The following SAMD12 variants were observed in gnomAD, a reference collection of about 807,000 sequenced individuals.
SAMD12 encodes the protein sterile alpha motif domain-containing protein 12.
In SAMD12, 9 loss-of-function variants were observed where a neutral mutation model predicts 15.0. The ratio of observed to expected loss-of-function variants is 0.60; its 90% CI spans 0.36 to 1.05. The LOEUF (loss-of-function observed/expected upper bound fraction) is 1.05, where lower values mean the gene tolerates loss of function less well. Among genes scored for constraint, SAMD12 ranks in the 50% least tolerant of loss-of-function variants. The pLI is 0.01. For synonymous variants in SAMD12, 86 were observed against 90.1 expected, an observed-to-expected ratio of 0.96 and a Z score of 0.25; for missense variants, 230 against 234.2, an observed-to-expected ratio of 0.98 and a Z score of 0.12.
chr8:118,403,989 T>G (rs77908481), intron 3 of SAMD12, among the ~76,000 whole-genome samples: 40 of 152,288 alleles, frequency 2.6e-4, no homozygotes, highest in African/African-American at 8.7e-4. Context: ...GGTACCTTTA[T>G]TTTTTCTTGA....
intron 4 of SAMD12, among the ~76,000 whole-genome samples, chr8:118,225,985 C>T (rs779931228): frequency 3.9e-5 from 6 of 152,126 alleles, no homozygotes; most frequent in Non-Finnish European, 8.8e-5. Context: ...ACAGAGCTGA[C>T]TCAGCTAGAC....
At chr8:118,587,655 G>A (rs1827485976) in intron 1 of SAMD12, among the ~76,000 whole-genome samples, 1 of 152,174 alleles carries the variant, frequency 6.6e-6, no homozygotes, top group Non-Finnish European at 1.5e-5. Context: ...ATCTAGAACT[G>A]CTACAGTACA....
At chr8:118,286,280 A>G (rs1814009095) in intron 4 of SAMD12, among the ~76,000 whole-genome samples, 1 of 151,998 alleles carries the variant, frequency 6.6e-6, no homozygotes, top group South Asian at 2.1e-4. Context: ...ACAAACCTGC[A>G]TGTTGTGCAC....
chr8:118,410,875 T>C (rs1476327361), intron 3 of SAMD12, among the ~76,000 whole-genome samples: 2 of 152,156 alleles, frequency 1.3e-5, no homozygotes, highest in African/African-American at 4.8e-5. Flanking sequence ...TTTGACAGAA[T>C]TTGTTATCAG....
intron 4 of SAMD12, among the ~76,000 whole-genome samples, chr8:118,246,458 T>A (rs1456427827): frequency 6.6e-6 from 1 of 152,156 alleles, no homozygotes; most frequent in Admixed American, 6.5e-5. Flanking sequence ...AAGGCATTAA[T>A]CTAAGTTAGC....
intron 1 of SAMD12, among the ~76,000 whole-genome samples, chr8:118,607,005 G>A (rs1477072999): frequency 1.3e-5 from 2 of 152,014 alleles, no homozygotes; most frequent in African/African-American, 4.8e-5. Context: ...CTACTCCATA[G>A]GCAAGCACCT....
At chr8:118,415,476 T>TGTGTGA (rs1327570691) in intron 3 of SAMD12, among the ~76,000 whole-genome samples, 1 of 151,710 alleles carries the variant, frequency 6.6e-6, no homozygotes, top group African/African-American at 2.4e-5. Context: ...TGTGTGTGTG[T>TGTGTGA]GTGTGTGTGT....
In SAMD12 at chr8:118,321,470, G is replaced by A. The variant is rs1057084486; in HGVS notation, c.433+58090C>T. Among the ~76,000 whole-genome samples the A allele has an allele frequency of 5.3e-5, 8 of 151,392 alleles. No individual in the cohort carries two copies. The East Asian group carries it at 5.9e-4, about 11-fold the overall frequency. On this transcript the variant is annotated intron_variant, in intron 4 of 4. Transcript: ENST00000409003. ...CTCTCCTAAAAATACAAAAATTAGC[G>A]GGACGTGGTGGCACATGCCTGTAAT...
At chr8:118,318,310 GTATATATATATATATATATA>G (rs55959055) in intron 4 of SAMD12, among the ~76,000 whole-genome samples, 33,035 of 113,582 alleles carry the variant, frequency 0.29, 4,732 homozygotes, top group African/African-American at 0.36. Context: ...AGATATATGT[GTATATATATATATATATATA>G]TATATATATA....
At chr8:118,432,214 A>G (rs1265379196) in intron 3 of SAMD12, among the ~76,000 whole-genome samples, 1 of 152,212 alleles carries the variant, frequency 6.6e-6, no homozygotes, top group Non-Finnish European at 1.5e-5. Context: ...CTATTTGATA[A>G]ACCTAACATC....
At chr8:118,336,757 C>A (rs1275548916) in intron 4 of SAMD12, among the ~76,000 whole-genome samples, 1 of 152,144 alleles carries the variant, frequency 6.6e-6, no homozygotes, top group African/African-American at 2.4e-5. Flanking sequence ...GACTTGGAAC[C>A]AACTCAAATG....
chr8:118,147,384 A>G, the SAMD12 span, among the ~76,000 whole-genome samples: 1 of 149,592 alleles, frequency 6.7e-6, no homozygotes, highest in South Asian at 2.1e-4. Flanking sequence ...TTTTGAAATG[A>G]AGTTTCACTC....
chr8:118,387,384 G>T (rs1321743213), intron 3 of SAMD12, among the ~76,000 whole-genome samples: 1 of 152,066 alleles, frequency 6.6e-6, no homozygotes. Context: ...TTGCAACTTG[G>T]AACCACAATA....
At chr8:118,439,632 CCA>C (rs1248643873) in intron 3 of SAMD12, among the ~76,000 whole-genome samples, 198 bp downstream of exon 3, 1 of 151,848 alleles carries the variant, frequency 6.6e-6, no homozygotes, top group African/African-American at 2.4e-5. Context: ...ATGCTAAAAT[CCA>C]CAGTTTTCTA....
chr8:118,610,524 G>C (rs1460382502), intron 1 of SAMD12, among the ~76,000 whole-genome samples: 1 of 152,188 alleles, frequency 6.6e-6, no homozygotes, highest in African/African-American at 2.4e-5. Context: ...TTCTCTCGAT[G>C]ATTAGGTGGG....
At chr8:118,560,826 G>A (rs1346443601) in intron 2 of SAMD12, among the ~76,000 whole-genome samples, 2 of 151,740 alleles carry the variant, frequency 1.3e-5, no homozygotes, top group African/African-American at 4.8e-5. Context: ...ACACAATAGA[G>A]GAAAGACTGC....
At chr8:118,569,304 T>C (rs1267047966) in intron 2 of SAMD12, among the ~76,000 whole-genome samples, 3 of 152,150 alleles carry the variant, frequency 2.0e-5, no homozygotes, top group Non-Finnish European at 1.5e-5. Context: ...GCCTTCAGGC[T>C]ATATATATAG....
intron 4 of SAMD12, among the ~76,000 whole-genome samples, chr8:118,365,711 T>A (rs948767725): frequency 1.1e-4 from 16 of 152,120 alleles, no homozygotes; most frequent in African/African-American, 3.4e-4. Flanking sequence ...TCCTCTTATA[T>A]GTCTATATAT....
intron 4 of SAMD12, among the ~76,000 whole-genome samples, chr8:118,276,484 TTG>T (rs1357081798): frequency 1.1e-4 from 17 of 152,336 alleles, no homozygotes; most frequent in African/African-American, 4.1e-4. Context: ...TTCAACCATT[TTG>T]TGTGTCCCAT....
Sources: gnomAD v4.1 joint callset for allele counts (sites outside exome capture counted in the v4.1 genomes callset) on GRCh38, gnomAD v4.1.1 for gene constraint, MANE v1.5 for transcripts, NCBI Gene and HGNC (gene_info 2026-07-23, HGNC 2026-07-21) for gene names.